Variants in RARB observed in about 807,000 individuals in gnomAD.
RARB encodes retinoic acid receptor beta.
In RARB, 17 loss-of-function variants were observed where a neutral mutation model predicts 51.9. That is an observed-to-expected ratio of 0.33 (90% CI 0.22 to 0.49). The LOEUF is 0.49. Ranked by LOEUF, RARB falls within the 20% of genes least tolerant of loss-of-function variation. The pLI is 0.99. For synonymous variants in RARB, 215 were observed against 195.4 expected, an observed-to-expected ratio of 1.10 and a Z score of -0.84; for missense variants, 369 against 550.8, an observed-to-expected ratio of 0.67 and a Z score of 3.30.
chr3:25,239,623 T>G (rs1351002463), intron 5 of RARB, among the ~76,000 whole-genome samples: 3 of 152,180 alleles, frequency 2.0e-5, no homozygotes, highest in Non-Finnish European at 2.9e-5. Context: ...ATACATAGAT[T>G]TATTTCTGGG....
At chr3:24,962,518 T>C (rs1177686232) in intron 2 of RARB, among the ~76,000 whole-genome samples, 6 of 152,180 alleles carry the variant, frequency 3.9e-5, no homozygotes, top group Admixed American at 3.9e-4. Flanking sequence ...CACAGACCGA[T>C]ACCAGTCCAT....
chr3:25,564,026 C>T (rs890589514), intron 3 of RARB, among the ~76,000 whole-genome samples: 2 of 149,512 alleles, frequency 1.3e-5, no homozygotes, highest in Non-Finnish European at 1.5e-5. Flanking sequence ...AGTGAATCTA[C>T]ATCTTTTGCA....
At chr3:25,052,256 C>T (rs1422191243) in intron 2 of RARB, among the ~76,000 whole-genome samples, 1 of 152,108 alleles carries the variant, frequency 6.6e-6, no homozygotes, top group Admixed American at 6.6e-5. Flanking sequence ...GGATGCATCC[C>T]ATTGTGTATG....
chr3:25,167,881 C>G (rs1700584684), intron 4 of RARB, among the ~76,000 whole-genome samples: 1 of 152,152 alleles, frequency 6.6e-6, no homozygotes, highest in Admixed American at 6.5e-5. Context: ...TCCACCCTAC[C>G]CTGGGCAGAT....
At chr3:25,048,849 G>A (rs1017868971) in intron 2 of RARB, among the ~76,000 whole-genome samples, 6 of 136,068 alleles carry the variant, frequency 4.4e-5, no homozygotes, top group Admixed American at 1.7e-4. Context: ...TCCGCCTCCC[G>A]GGTTCTCGCC....
chr3:24,906,844 CAAAA>C (rs397875286), intron 2 of RARB, among the ~76,000 whole-genome samples: 250 of 75,986 alleles, frequency 3.3e-3, no homozygotes, highest in African/African-American at 0.011. Flanking sequence ...GATTCCGTCT[CAAAA>C]AAAAAAAAAA....
At chr3:24,962,163 T>TC (rs950498519) in intron 2 of RARB, among the ~76,000 whole-genome samples, 60 of 151,958 alleles carry the variant, frequency 3.9e-4, no homozygotes, top group Non-Finnish European at 6.9e-4. Flanking sequence ...TCTCCTGACC[T>TC]CGTGATCTGC....
intron 2 of RARB, among the ~76,000 whole-genome samples, chr3:24,948,577 C>A (rs1332751512): frequency 6.6e-6 from 1 of 152,128 alleles, no homozygotes; most frequent in Admixed American, 6.5e-5. Context: ...ATTTAATGGC[C>A]CATCCCTTCC....
chr3:25,242,118 G>A (rs1410978815), intron 5 of RARB, among the ~76,000 whole-genome samples: 1 of 152,102 alleles, frequency 6.6e-6, no homozygotes, highest in Non-Finnish European at 1.5e-5. Context: ...CTTTTCAAAA[G>A]CATCTGTTCA....
chr3:25,333,984 T>A (rs1704983057), intron 5 of RARB, among the ~76,000 whole-genome samples: 1 of 152,114 alleles, frequency 6.6e-6, no homozygotes, highest in Admixed American at 6.5e-5. Flanking sequence ...TGAGATACCA[T>A]CTCACACCAG....
intron 3 of RARB, among the ~76,000 whole-genome samples, chr3:25,122,803 C>G (rs1371392370): frequency 6.6e-6 from 1 of 152,136 alleles, no homozygotes; most frequent in East Asian, 1.9e-4. Context: ...ACCCCTCTAA[C>G]CACACACAGA....
intron 5 of RARB, among the ~76,000 whole-genome samples, chr3:25,247,911 G>C (rs1430814682): frequency 6.6e-6 from 1 of 152,218 alleles, no homozygotes; most frequent in Admixed American, 6.5e-5. Context: ...CTAAAGTGCA[G>C]TTTAAATCTA....
intron 5 of RARB, among the ~76,000 whole-genome samples, chr3:25,321,406 TA>T (rs1297769188): frequency 2.6e-5 from 4 of 152,110 alleles, no homozygotes; most frequent in Non-Finnish European, 4.4e-5. Flanking sequence ...TTAACAGAGA[TA>T]AAAATAACAT....
chr3:24,931,291 A>G (rs1695434701), intron 2 of RARB, among the ~76,000 whole-genome samples: 1 of 152,088 alleles, frequency 6.6e-6, no homozygotes, highest in Admixed American at 6.6e-5. Flanking sequence ...TGCTGCCTGA[A>G]AATCTCCTAT....
chr3:24,938,364 G>T (rs980232585), intron 2 of RARB, among the ~76,000 whole-genome samples: 2 of 152,038 alleles, frequency 1.3e-5, no homozygotes, highest in Non-Finnish European at 2.9e-5. Context: ...CAGACTCCTA[G>T]GATTTCTGAG....
chr3:24,946,047 C>T (rs891165777), intron 2 of RARB, among the ~76,000 whole-genome samples: 2 of 152,048 alleles, frequency 1.3e-5, no homozygotes, highest in Non-Finnish European at 2.9e-5. Flanking sequence ...AGGCAGATCA[C>T]GAGGTCAGGA....
intron 3 of RARB, among the ~76,000 whole-genome samples, chr3:25,082,064 A>G (rs1171136454): frequency 6.6e-6 from 1 of 152,146 alleles, no homozygotes; most frequent in Non-Finnish European, 1.5e-5. Flanking sequence ...GCTGACATTT[A>G]TATAGCCACT....
intron 2 of RARB, among the ~76,000 whole-genome samples, chr3:25,483,831 T>G (rs1213142258): frequency 1.3e-5 from 2 of 152,238 alleles, no homozygotes; most frequent in African/African-American, 4.8e-5. Flanking sequence ...ATTTTATCAT[T>G]AATGTGACAG....
chr3:25,092,199 C>G (rs1320198414), intron 3 of RARB, among the ~76,000 whole-genome samples: 2 of 152,142 alleles, frequency 1.3e-5, no homozygotes, highest in African/African-American at 2.4e-5. Flanking sequence ...TTCACAAAAT[C>G]TTTCCCATCC....
Sources: gnomAD v4.1 joint callset for allele counts (sites outside exome capture counted in the v4.1 genomes callset) on GRCh38, gnomAD v4.1.1 for gene constraint, MANE v1.5 for transcripts, NCBI Gene and HGNC (gene_info 2026-07-23, HGNC 2026-07-21) for gene names.